The following GLDC variants were observed in gnomAD, a reference collection of about 807,000 sequenced individuals.
The protein encoded by GLDC is glycine dehydrogenase (decarboxylating), mitochondrial.
In GLDC, 104 loss-of-function variants were observed where a neutral mutation model predicts 121.3. That is an observed-to-expected ratio of 0.86 (90% CI 0.73 to 1.01). The LOEUF (loss-of-function observed/expected upper bound fraction) is 1.01. Ranked by LOEUF, GLDC falls within the 50% of genes least tolerant of loss-of-function variation. The pLI, the probability that GLDC is intolerant of heterozygous loss-of-function variation, is 0.00. For missense variants in GLDC, 1,429 were observed against 1,306.6 expected (o/e 1.09, Z -1.44); for synonymous variants, 546 against 480.6 (o/e 1.14, Z -1.78).
chr9:6,536,240 C>G lies in GLDC; in HGVS notation c.2666-4G>C, dbSNP rs1007363577. Reference sequence around the variant, plus strand: ...GACATGGTAGGGGCGTGAAATCCTGCAAAGGGAGACAGGAGAACTTGCCTC... The same window carrying G: ...GACATGGTAGGGGCGTGAAATCCTGGAAAGGGAGACAGGAGAACTTGCCTC... On this transcript the variant is annotated splice_polypyrimidine_tract_variant and splice_region_variant and intron_variant, in intron 22 of 24. Transcript: ENST00000321612. 1.9e-6 allele frequency: 3 copies of G among 1,612,462 alleles called. No homozygotes were observed. The highest frequency in any genetic ancestry group is 2.7e-5 in the African/African-American group (2 of 74,888).
chr9:6,534,739 G>A lies in GLDC; in HGVS notation c.2888C>T (p.Pro963Leu). ...TCVTSSHWDR[P>L]YSREVAAFPL... is the part of the protein sequence containing the mutation. The stretch of plus-strand genomic sequence containing the variant: ...GAATGCTGCCACCTCTCTGGAATAA[G>A]GCCGGTCCCAGTGGGAAGATGTAAC... Residue 963 changes from proline to leucine, a missense_variant, in exon 24 of 25, where the codon CCT (proline) becomes CTT (leucine). By Grantham distance (98) the Pro-to-Leu change is moderately conservative (BLOSUM62 -3). Transcript: ENST00000321612. 1 of 1,607,200 alleles carries A rather than the reference G, an allele frequency of 6.2e-7. No individual in the cohort carries two copies. Among genetic ancestry groups the A allele is most frequent in the South Asian group, 1.1e-5 (1 of 90,908 alleles).
At chr9:6,630,908 A>G (rs1490372568) in intron 2 of GLDC, among the ~76,000 whole-genome samples, 2 of 152,026 alleles carry the variant, frequency 1.3e-5, no homozygotes, top group Admixed American at 6.6e-5. Flanking sequence ...CATAGAGCCA[A>G]CTCCCTGTTA....
At chr9:6,639,357 C>A in intron 2 of GLDC, 2 of 940,076 alleles carry the variant, frequency 2.1e-6, no homozygotes, top group South Asian at 2.6e-5. Context: ...ACAAGCTTGA[C>A]CACTATGCTA....
intron 2 of GLDC, among the ~76,000 whole-genome samples, chr9:6,634,302 G>C (rs2129994571): frequency 6.6e-6 from 1 of 152,156 alleles, no homozygotes; most frequent in East Asian, 1.9e-4. Context: ...GGCCAAGGCA[G>C]GCGGGTTGCT....
intron 20 of GLDC, 75 bp downstream of exon 20, chr9:6,553,293 T>C: frequency 7.8e-7 from 1 of 1,288,422 alleles, no homozygotes; most frequent in Non-Finnish European, 1.1e-6. Flanking sequence ...AGCCAAGAAG[T>C]CTGCAGTATC....
chr9:6,622,656 G>C, intron 2 of GLDC: 1 of 209,988 alleles, frequency 4.8e-6, no homozygotes, highest in Non-Finnish European at 9.5e-6. Context: ...CCTCTGCCCG[G>C]CCGCCACCCC....
chr9:6,577,972 C>T (rs914077001), intron 15 of GLDC, among the ~76,000 whole-genome samples: 3 of 151,746 alleles, frequency 2.0e-5, no homozygotes, highest in Non-Finnish European at 2.9e-5. Context: ...TGGAGTGCAG[C>T]GGCACCATCA....
intron 16 of GLDC, among the ~76,000 whole-genome samples, chr9:6,563,666 A>C (rs78348469): frequency 6.6e-6 from 1 of 152,222 alleles, no homozygotes; most frequent in South Asian, 2.1e-4. Context: ...TAAACTAATC[A>C]TTCCTTAGAA....
At chr9:6,597,814 T>C (rs1818519900) in intron 8 of GLDC, among the ~76,000 whole-genome samples, 1 of 151,918 alleles carries the variant, frequency 6.6e-6, no homozygotes, top group African/African-American at 2.4e-5. Flanking sequence ...CAGACACCTG[T>C]AGTCCCAGCT....
At chr9:6,560,116 C>G (rs1447115499) in intron 16 of GLDC, among the ~76,000 whole-genome samples, 2 of 152,168 alleles carry the variant, frequency 1.3e-5, no homozygotes, top group East Asian at 3.8e-4. Context: ...GACACAGGCT[C>G]TTGTAGAACT....
intron 9 of GLDC, among the ~76,000 whole-genome samples, chr9:6,594,490 A>G (rs1053425869): frequency 6.6e-6 from 1 of 152,052 alleles, no homozygotes; most frequent in African/African-American, 2.4e-5. Context: ...GAGGTCAGGA[A>G]TTCGAGACCA....
At chr9:6,552,909 AT>A (rs1314567219) in intron 20 of GLDC, among the ~76,000 whole-genome samples, 1 of 151,270 alleles carries the variant, frequency 6.6e-6, no homozygotes, top group East Asian at 2.0e-4. Context: ...AATTTCTGCT[AT>A]TTTTCATCTT....
intron 15 of GLDC, among the ~76,000 whole-genome samples, chr9:6,577,241 A>G (rs1191657682): frequency 6.6e-6 from 1 of 152,224 alleles, no homozygotes; most frequent in Non-Finnish European, 1.5e-5. Flanking sequence ...TGAGAACCAG[A>G]GAGTTGTATT....
At chr9:6,548,952 T>C (rs1192700678) in intron 21 of GLDC, among the ~76,000 whole-genome samples, 1 of 152,160 alleles carries the variant, frequency 6.6e-6, no homozygotes, top group African/African-American at 2.4e-5. Flanking sequence ...CTTCACTACC[T>C]GCAAACATGG....
intron 16 of GLDC, among the ~76,000 whole-genome samples, chr9:6,561,082 A>G (rs2129743687): frequency 6.6e-6 from 1 of 152,342 alleles, no homozygotes; most frequent in Non-Finnish European, 1.5e-5. Context: ...CAACACTTTG[A>G]CTTTAGCCCA....
chr9:6,605,951 TTC>T (rs1244634926), intron 5 of GLDC: 3 of 159,078 alleles, frequency 1.9e-5, no homozygotes, highest in African/African-American at 7.2e-5. Flanking sequence ...AGTCCCATTT[TTC>T]TCTGTTTTTC....
intron 2 of GLDC, among the ~76,000 whole-genome samples, chr9:6,625,121 T>G (rs1472036580): frequency 6.6e-6 from 1 of 152,140 alleles, no homozygotes; most frequent in African/African-American, 2.4e-5. Context: ...AACATTATCC[T>G]CTGGCTTAAG....
At chr9:6,592,723 G>A in intron 10 of GLDC, 128 bp downstream of exon 10, 1 of 833,872 alleles carries the variant, frequency 1.2e-6, no homozygotes, top group Admixed American at 2.5e-5. Flanking sequence ...AATAACACTT[G>A]TTTATGAAAA....
rs765132272 is a variant in GLDC, at chr9:6,532,979, AG to A, written c.*37del. ...CTTGCTTATCAAATGCTCTGGGGAG[AG>A]GCATCAAATCAGTCCTTTAAACTTA... On this transcript the variant is annotated 3_prime_UTR_variant, in exon 25 of 25. Transcript: ENST00000321612. 18 of 1,462,058 alleles carry A rather than the reference AG, an allele frequency of 1.2e-5. No homozygotes were observed. The East Asian group carries it at 4.1e-4, about 33-fold the overall frequency. 90.6% of individuals were successfully genotyped at this position (1,462,058 alleles called of 1,614,324 possible).
Sources: allele counts gnomAD v4.1 joint callset (sites outside exome capture counted in the v4.1 genomes callset), GRCh38; gene constraint gnomAD v4.1.1; transcripts MANE v1.5; gene names NCBI Gene and HGNC (gene_info 2026-07-23, HGNC 2026-07-21).